The following EML1 variants were observed in gnomAD, a reference collection of about 807,000 sequenced individuals.
EML1 encodes the protein EMAP like 1, also known as echinoderm microtubule-associated protein-like 1.
Under a neutral mutation model 110.4 loss-of-function variants are expected in EML1, and 27 were observed. The ratio of observed to expected loss-of-function variants is 0.24; its 90% CI spans 0.18 to 0.34. The LOEUF (loss-of-function observed/expected upper bound fraction) is 0.34, where lower values mean the gene tolerates loss of function less well. Among genes scored for constraint, EML1 ranks in the 10% least tolerant of loss-of-function variants. EML1 has a pLI of 1.00. For synonymous variants in EML1, 344 were observed against 385.8 expected (o/e 0.89, Z 1.27); for missense variants, 741 against 1,030.9 (o/e 0.72, Z 3.85).
At chr14:99,766,413 C>T (rs757732199) in intron 1 of EML1, among the ~76,000 whole-genome samples, 2 of 152,032 alleles carry the variant, frequency 1.3e-5, no homozygotes, top group African/African-American at 2.4e-5. Context: ...AGGCTGGTCT[C>T]GAACTCCTGA....
chr14:99,906,390 A>G (rs1200746969), intron 9 of EML1, among the ~76,000 whole-genome samples: 1 of 152,164 alleles, frequency 6.6e-6, no homozygotes, highest in Non-Finnish European at 1.5e-5. Context: ...TTTCTTGATG[A>G]TATACTAAGT....
Position 99,907,750 on chromosome 14 carries a change from T to C in EML1, c.1104+17T>C, listed in dbSNP as rs1433737972. ...GATGTGAAGGTCATGCTCCAAGCCT[T>C]TTTTGGGCTGCATTAACATTTTCCC... On this transcript the variant is annotated intron_variant, in intron 10 of 21. Coordinates refer to ENST00000262233, the MANE Select transcript of EML1 (RefSeq NM_004434.3). 1 of 1,612,964 alleles carries C rather than the reference T, an allele frequency of 6.2e-7. No homozygotes were observed. Among genetic ancestry groups the C allele is most frequent in the African/African-American group, 1.3e-5 (1 of 74,872 alleles).
chr14:99,822,626 T>C (rs2058283370), intron 1 of EML1, among the ~76,000 whole-genome samples: 1 of 152,212 alleles, frequency 6.6e-6, no homozygotes, highest in South Asian at 2.1e-4. Context: ...TCTCTCATTT[T>C]CTTTCTTAGC....
chr14:99,739,095 A>T (rs77172998), intron 1 of EML1, among the ~76,000 whole-genome samples: 3,043 of 61,556 alleles, frequency 0.049, 110 homozygotes, highest in African/African-American at 0.11. Context: ...TGTGTGTGAG[A>T]GAGAGAGACA....
chr14:99,871,124 T>G (rs180771873), intron 3 of EML1, among the ~76,000 whole-genome samples: 1 of 152,124 alleles, frequency 6.6e-6, no homozygotes, highest in East Asian at 1.9e-4. Flanking sequence ...ATCCAGCTAA[T>G]TTTTTTGTAT....
Position 99,920,817 on chromosome 14 carries a change from G to A in EML1, c.1849G>A (p.Asp617Asn), listed in dbSNP as rs763567379. Residue 617 changes from aspartate to asparagine, a missense_variant, in exon 17 of 22, where the codon GAC becomes AAC. This residue lies in a region of EML1 where 388 missense variants were observed against 605.6 expected (regional missense o/e 0.64). Coordinates refer to ENST00000262233, the MANE Select transcript of EML1 (RefSeq NM_004434.3). ...GTTTGTGTTTGACACAGAAACAAAAGACTTGGTCACCGTTCACACAGATGG... is the reference window on the plus strand; with the variant it reads ...GTTTGTGTTTGACACAGAAACAAAAAACTTGGTCACCGTTCACACAGATGG... The part of the protein sequence containing the change: ...RWFVFDTETK[D>N]LVTVHTDGNE... The A allele has an allele frequency of 2.5e-6, 4 of 1,613,626 alleles. No homozygotes were observed. In the Admixed American group the frequency reaches 6.7e-5, roughly 27 times the overall value.
At chr14:99,859,532 G>A (rs2058964046) in intron 2 of EML1, among the ~76,000 whole-genome samples, 2 of 152,154 alleles carry the variant, frequency 1.3e-5, no homozygotes, top group Non-Finnish European at 1.5e-5. Context: ...TTTCCTTTAT[G>A]GGTAAGGAAA....
intron 1 of EML1, among the ~76,000 whole-genome samples, chr14:99,816,909 C>G (rs1276818008): frequency 6.6e-6 from 1 of 152,172 alleles, no homozygotes; most frequent in Non-Finnish European, 1.5e-5. Context: ...TTTTGTAACA[C>G]CGTGCTTTGA....
intron 1 of EML1, among the ~76,000 whole-genome samples, chr14:99,825,221 A>G (rs2058332759): frequency 6.6e-6 from 1 of 152,078 alleles, no homozygotes; most frequent in Non-Finnish European, 1.5e-5. Context: ...CCTGGGCTCA[A>G]ATGATCCTCC....
chr14:99,935,781 CAAAAAAAA>C (rs1160100015), intron 17 of EML1, among the ~76,000 whole-genome samples: 13 of 83,708 alleles, frequency 1.6e-4, no homozygotes, highest in South Asian at 4.3e-4. Flanking sequence ...GACTCCGTCT[CAAAAAAAA>C]AAAAAAAAAA....
intron 1 of EML1, among the ~76,000 whole-genome samples, chr14:99,747,052 C>T (rs2057117521): frequency 6.6e-6 from 1 of 151,960 alleles, no homozygotes; most frequent in African/African-American, 2.4e-5. Context: ...AAACAACCAC[C>T]ACCCGGGCAC....
intron 17 of EML1, among the ~76,000 whole-genome samples, chr14:99,927,025 G>A (rs1388376935): frequency 6.6e-6 from 1 of 152,216 alleles, no homozygotes; most frequent in Non-Finnish European, 1.5e-5. Flanking sequence ...TGGGATTACA[G>A]GCGTGAGCCA....
chr14:99,770,779 A>ATT (rs34744469), upstream of EML1, among the ~76,000 whole-genome samples: 31,527 of 91,254 alleles, frequency 0.35, 8,067 homozygotes, highest in South Asian at 0.52. Context: ...GTTTCCGCTG[A>ATT]TTTTTTTTTT....
Position 99,861,671 on chromosome 14 carries a change from G to A in EML1, c.251-3843G>A, listed in dbSNP as rs113696912. ...TAATTTTTCTGTTTTTAGTAGAGAC[G>A]AGGTTTCACCATGTTGGCCAGGCTG... On this transcript the variant is annotated intron_variant, in intron 2 of 21. Coordinates refer to ENST00000262233, the MANE Select transcript of EML1 (RefSeq NM_004434.3). 2.5e-3 allele frequency among the ~76,000 whole-genome samples: 375 copies of A among 152,178 alleles called. 1 individual carries two copies. Among genetic ancestry groups the A allele is most frequent in the African/African-American group, 8.6e-3 (355 of 41,520 alleles).
At chr14:99,897,014 T>A in intron 6 of EML1, 131 bp from the exon 7 acceptor site, 1 of 823,040 alleles carries the variant, frequency 1.2e-6, no homozygotes, top group Non-Finnish European at 1.7e-6. Flanking sequence ...TATTTGCAAT[T>A]TAATGTTGTT....
chr14:99,777,331 G>C (rs1285618860), intron 1 of EML1, among the ~76,000 whole-genome samples: 1 of 151,980 alleles, frequency 6.6e-6, no homozygotes, highest in East Asian at 1.9e-4. Context: ...CATCCCTAGC[G>C]TTCTTCCTAC....
At chr14:99,813,707 TA>T (rs202106466) in intron 1 of EML1, among the ~76,000 whole-genome samples, 9 of 151,426 alleles carry the variant, frequency 5.9e-5, no homozygotes, top group East Asian at 1.9e-4. Context: ...GACTCTGTCT[TA>T]AAAAAAAAAT....
intron 3 of EML1, among the ~76,000 whole-genome samples, chr14:99,873,105 G>A (rs1264849533): frequency 6.6e-6 from 1 of 152,236 alleles, no homozygotes; most frequent in Non-Finnish European, 1.5e-5. Context: ...CTTGCTCAGT[G>A]GGGATGCGGA....
At chr14:99,812,164 C>T (rs781545734) in intron 1 of EML1, among the ~76,000 whole-genome samples, 2 of 151,898 alleles carry the variant, frequency 1.3e-5, no homozygotes, top group Non-Finnish European at 2.9e-5. Flanking sequence ...AATAGGTGAA[C>T]AGTACGTGTG....
Sources: gnomAD v4.1 joint callset for allele counts (sites outside exome capture counted in the v4.1 genomes callset) on GRCh38, gnomAD v4.1.1 for gene constraint, gnomAD v4.1.1 regional missense constraint, MANE v1.5 for transcripts, NCBI Gene and HGNC (gene_info 2026-07-23, HGNC 2026-07-21) for gene names.